Variants in AGBL1 observed in about 807,000 individuals in gnomAD.
The protein encoded by AGBL1 is cytosolic carboxypeptidase 4.
In AGBL1, 130 loss-of-function variants were observed where a neutral mutation model predicts 118.9. The observed-to-expected ratio is 1.09, with a 90% CI of 0.95 to 1.26. The LOEUF is 1.26. Among genes scored for constraint, AGBL1 ranks in the 50% most tolerant of loss-of-function variants. The pLI is 0.00. For synonymous variants in AGBL1, 555 were observed against 478.9 expected, an observed-to-expected ratio of 1.16 and a Z score of -2.08; for missense variants, 1,584 against 1,298.1, an observed-to-expected ratio of 1.22 and a Z score of -3.38.
chr15:86,339,951 C>T (rs1186653698), intron 17 of AGBL1, among the ~76,000 whole-genome samples: 6 of 150,326 alleles, frequency 4.0e-5, no homozygotes, highest in Non-Finnish European at 5.9e-5. Context: ...GGCGACAGGG[C>T]GGGACTCCAT....
chr15:86,390,660 A>ATTTTTTTTTTTTTTTTTTTTTTTTT (rs756052402), intron 17 of AGBL1, among the ~76,000 whole-genome samples: 1 of 75,474 alleles, frequency 1.3e-5, no homozygotes, highest in Non-Finnish European at 2.4e-5. Flanking sequence ...ATACTGTATG[A>ATTTTTTTTTTTTTTTTTTTTTTTTT]TTTTTTTTTT....
chr15:86,357,932 C>A (rs1041703366), intron 17 of AGBL1, among the ~76,000 whole-genome samples: 1 of 152,042 alleles, frequency 6.6e-6, no homozygotes, highest in African/African-American at 2.4e-5. Context: ...AAGAGGTATG[C>A]AACATGATGT....
At chr15:86,094,963 A>C (rs1173871211) in intron 1 of AGBL1, among the ~76,000 whole-genome samples, 1 of 152,154 alleles carries the variant, frequency 6.6e-6, no homozygotes, top group Non-Finnish European at 1.5e-5. Flanking sequence ...ACTTCCGACC[A>C]ATTGGCTTCA....
chr15:86,635,735 T>C lies in AGBL1; in HGVS notation c.2995-38538T>C, dbSNP rs142174172. On this transcript the variant is annotated intron_variant, in intron 21 of 22. Transcript: ENST00000614907. ...ATATAAAAATAGTTACAAAAGTGAA[T>C]ATTTAGAGTGACAAAAGATATCACC... 2.9e-3 allele frequency among the ~76,000 whole-genome samples: 445 copies of C among 152,282 alleles called. 6 individuals are homozygous for C. The highest frequency in any genetic ancestry group is 0.01 in the African/African-American group (428 of 41,556).
At chr15:86,354,378 A>G (rs928364135) in intron 17 of AGBL1, among the ~76,000 whole-genome samples, 1 of 152,230 alleles carries the variant, frequency 6.6e-6, no homozygotes, top group Non-Finnish European at 1.5e-5. Flanking sequence ...CTTGGATAAG[A>G]GACAGACCAA....
rs546519711 is a variant in AGBL1, at chr15:86,378,748, T to A, written c.2375-18618T>A. On this transcript the variant is annotated intron_variant, in intron 17 of 22. Coordinates refer to ENST00000614907, the MANE Select transcript of AGBL1 (RefSeq NM_001386094.1). ...ATTGAGGCCACATGTAAGTAACATATGCAAAGTCAAGCCACAAATTCAGTG... is the reference window on the plus strand; with the variant it reads ...ATTGAGGCCACATGTAAGTAACATAAGCAAAGTCAAGCCACAAATTCAGTG... Among the ~76,000 whole-genome samples, 65 of 152,164 alleles carry A rather than the reference T, an allele frequency of 4.3e-4. 1 individual carries two copies. Among genetic ancestry groups the A allele is most frequent in the African/African-American group, 1.4e-3 (59 of 41,508 alleles).
chr15:86,142,422 C>T (rs2076976274), intron 2 of AGBL1, among the ~76,000 whole-genome samples: 1 of 152,118 alleles, frequency 6.6e-6, no homozygotes, highest in Non-Finnish European at 1.5e-5. Flanking sequence ...GAATATCAGG[C>T]AGAAGCTGAA....
chr15:86,290,738 G>T (rs1218087006), intron 16 of AGBL1, among the ~76,000 whole-genome samples: 1 of 151,644 alleles, frequency 6.6e-6, no homozygotes, highest in Non-Finnish European at 1.5e-5. Flanking sequence ...CGTGCACAGT[G>T]TGCAGGTTAG....
chr15:86,827,112 A>G (rs2079021831), intron 22 of AGBL1, among the ~76,000 whole-genome samples: 1 of 150,470 alleles, frequency 6.6e-6, no homozygotes. Context: ...ATTACTATGT[A>G]TGAGGAGCAG....
chr15:87,026,349 TA>T, intron 24 of AGBL1, among the ~76,000 whole-genome samples: 1 of 151,910 alleles, frequency 6.6e-6, no homozygotes, highest in Middle Eastern at 3.4e-3. Flanking sequence ...AAGACATGAA[TA>T]GACAATTCTC....
intron 23 of AGBL1, among the ~76,000 whole-genome samples, chr15:86,975,821 A>G (rs1195032018): frequency 2.0e-5 from 3 of 152,180 alleles, no homozygotes; most frequent in Non-Finnish European, 2.9e-5. Flanking sequence ...TAAATTCTCA[A>G]GAACACCTGG....
At chr15:86,708,862 T>A (rs2086503178) in intron 22 of AGBL1, among the ~76,000 whole-genome samples, 1 of 152,140 alleles carries the variant, frequency 6.6e-6, no homozygotes, top group Admixed American at 6.6e-5. Context: ...GCACTCTTGT[T>A]AATTTTGCAC....
intron 23 of AGBL1, among the ~76,000 whole-genome samples, chr15:86,958,230 GA>G (rs2080953087): frequency 6.9e-6 from 1 of 145,284 alleles, no homozygotes; most frequent in African/African-American, 2.5e-5. Flanking sequence ...AAAAAGAAAA[GA>G]AAATGAAAGA....
intron 24 of AGBL1, among the ~76,000 whole-genome samples, chr15:87,006,052 G>A (rs912030410): frequency 1.3e-5 from 2 of 152,158 alleles, no homozygotes; most frequent in East Asian, 1.9e-4. Flanking sequence ...CTTTCCTCTG[G>A]AGGTTTTGTC....
At chr15:86,290,316 G>A (rs560876779) in intron 16 of AGBL1, among the ~76,000 whole-genome samples, 1 of 149,376 alleles carries the variant, frequency 6.7e-6, no homozygotes, top group African/African-American at 2.5e-5. Flanking sequence ...GGCAGCTGAA[G>A]TGTGTCTTCA....
chr15:86,595,716 A>C (rs1270340741), intron 21 of AGBL1, among the ~76,000 whole-genome samples: 2 of 152,118 alleles, frequency 1.3e-5, no homozygotes, highest in East Asian at 1.9e-4. Flanking sequence ...CAGTAGAAAA[A>C]GTTTAATTAA....
At chr15:86,370,847 T>C (rs1431137932) in intron 17 of AGBL1, among the ~76,000 whole-genome samples, 2 of 152,194 alleles carry the variant, frequency 1.3e-5, no homozygotes, top group East Asian at 1.9e-4. Flanking sequence ...GACTTGTGCA[T>C]AGTAGGTGTG....
intron 22 of AGBL1, among the ~76,000 whole-genome samples, chr15:86,887,546 A>G (rs1004182058): frequency 2.0e-5 from 3 of 152,236 alleles, no homozygotes; most frequent in Non-Finnish European, 2.9e-5. Flanking sequence ...TACAGGCATT[A>G]TGAGTTGAGT....
intron 23 of AGBL1, among the ~76,000 whole-genome samples, chr15:86,953,400 ATT>A (rs61019726): frequency 2.9e-3 from 393 of 134,070 alleles, no homozygotes; most frequent in African/African-American, 5.8e-3. Flanking sequence ...CTGTATTTGG[ATT>A]TTTTTTTTTT....
Sources: gnomAD v4.1 joint callset for allele counts (sites outside exome capture counted in the v4.1 genomes callset) on GRCh38, gnomAD v4.1.1 for gene constraint, MANE v1.5 for transcripts, NCBI Gene and HGNC (gene_info 2026-07-23, HGNC 2026-07-21) for gene names.